MTUS2: variants seen among roughly 807,000 people sequenced by gnomAD.
MTUS2 encodes microtubule associated scaffold protein 2.
In MTUS2, 40 loss-of-function variants were observed where a neutral mutation model predicts 114.1. The observed-to-expected ratio is 0.35, with a 90% CI of 0.27 to 0.46. MTUS2 has a LOEUF of 0.46. MTUS2 is among the 20% of genes least tolerant of loss of function. MTUS2 has a pLI of 1.00. For synonymous variants in MTUS2, 688 were observed against 672.0 expected (o/e 1.02, Z -0.37); for missense variants, 1,679 against 1,705.4 (o/e 0.98, Z 0.27).
intron 8 of MTUS2, among the ~76,000 whole-genome samples, chr13:29,388,273 A>G (rs901581155): frequency 6.6e-6 from 1 of 152,158 alleles, no homozygotes; most frequent in Non-Finnish European, 1.5e-5. Flanking sequence ...CAGTGGGAAA[A>G]TAAAGATGGA....
intron 9 of MTUS2, among the ~76,000 whole-genome samples, chr13:29,460,650 C>T (rs1019926383): frequency 2.1e-4 from 32 of 152,290 alleles, no homozygotes; most frequent in African/African-American, 7.7e-4. Flanking sequence ...AGGGCTTCAT[C>T]TGTCGTGTTG....
intron 2 of MTUS2, among the ~76,000 whole-genome samples, chr13:28,843,750 T>G (rs1302684395): frequency 6.6e-6 from 1 of 152,186 alleles, no homozygotes; most frequent in Non-Finnish European, 1.5e-5. Flanking sequence ...ACCTGTGATC[T>G]GTTTGATATG....
intron 5 of MTUS2, among the ~76,000 whole-genome samples, chr13:29,192,816 T>C (rs1409840435): frequency 6.6e-6 from 1 of 152,220 alleles, no homozygotes; most frequent in Admixed American, 6.5e-5. Context: ...TGGTGTATTA[T>C]GTCTTCCAAG....
chr13:29,320,180 A>G (rs563017545), intron 6 of MTUS2, among the ~76,000 whole-genome samples: 7 of 152,316 alleles, frequency 4.6e-5, no homozygotes, highest in African/African-American at 1.7e-4. Context: ...GGAATTAGAA[A>G]GACATGATGC....
chr13:29,093,838 A>G (rs971602967), intron 4 of MTUS2, among the ~76,000 whole-genome samples: 6 of 152,166 alleles, frequency 3.9e-5, no homozygotes, highest in African/African-American at 1.4e-4. Context: ...TTTTAATCTT[A>G]GAGGGGAAGG....
intron 4 of MTUS2, among the ~76,000 whole-genome samples, chr13:29,096,669 G>A (rs1890190918): frequency 6.6e-6 from 1 of 152,190 alleles, no homozygotes; most frequent in Non-Finnish European, 1.5e-5. Flanking sequence ...CCTTTGTAGA[G>A]GACTCTGGAG....
chr13:28,840,953 G>C (rs1453084192), intron 2 of MTUS2, among the ~76,000 whole-genome samples: 2 of 152,206 alleles, frequency 1.3e-5, no homozygotes, highest in East Asian at 3.8e-4. Context: ...TTATGACTGA[G>C]TTTCTGCCAT....
intron 5 of MTUS2, among the ~76,000 whole-genome samples, chr13:29,236,151 TTA>T (rs1896527581): frequency 1.3e-5 from 2 of 152,190 alleles, no homozygotes; most frequent in Admixed American, 1.3e-4. Context: ...TTGTTATTTT[TTA>T]TCTTTAAATC....
chr13:29,490,123 A>T (rs1032537913), intron 11 of MTUS2: 10 of 152,216 alleles, frequency 6.6e-5, no homozygotes, highest in Non-Finnish European at 4.4e-5. Flanking sequence ...GCTGCTCTCG[A>T]TGACTGTAAC....
chr13:29,333,967 T>G (rs1329885044), intron 7 of MTUS2, among the ~76,000 whole-genome samples: 2 of 152,224 alleles, frequency 1.3e-5, no homozygotes, highest in Non-Finnish European at 1.5e-5. Context: ...TTTTTGATCT[T>G]TGTTGGTTTA....
At chr13:28,946,961 C>T (rs1047868793) in intron 2 of MTUS2, among the ~76,000 whole-genome samples, 4 of 152,122 alleles carry the variant, frequency 2.6e-5, no homozygotes, top group South Asian at 2.1e-4. Flanking sequence ...TTTCATATTT[C>T]GTATATGATG....
chr13:29,389,523 A>ATATATGTATACACGTGTG (rs1472737739), intron 8 of MTUS2, among the ~76,000 whole-genome samples: 357 of 29,594 alleles, frequency 0.012, 41 homozygotes, highest in African/African-American at 0.021. Context: ...GTGTATGTGT[A>ATATATGTATACACGTGTG]TATATGTATA....
intron 8 of MTUS2, among the ~76,000 whole-genome samples, chr13:29,385,388 C>G (rs1272362830): frequency 2.6e-5 from 4 of 152,190 alleles, no homozygotes; most frequent in Non-Finnish European, 4.4e-5. Flanking sequence ...CCCAAATGCC[C>G]AGGCACAGAG....
intron 5 of MTUS2, among the ~76,000 whole-genome samples, chr13:29,141,443 T>C (rs564267744): frequency 3.3e-5 from 5 of 152,164 alleles, no homozygotes; most frequent in South Asian, 2.1e-4. Flanking sequence ...AGAGATGCTG[T>C]TGGAGAGGTG....
At chr13:29,276,467 C>T (rs1409206423) in intron 5 of MTUS2, among the ~76,000 whole-genome samples, 4 of 152,224 alleles carry the variant, frequency 2.6e-5, no homozygotes, top group African/African-American at 4.8e-5. Context: ...GGCTATAGTC[C>T]TTTAGTTCCT....
chr13:28,821,046 A>C (rs1241633385), intron 1 of MTUS2, among the ~76,000 whole-genome samples: 1 of 152,078 alleles, frequency 6.6e-6, no homozygotes, highest in Admixed American at 6.5e-5. Context: ...AGAAGGAATT[A>C]CAGGCACACA....
At chr13:29,191,740 G>C (rs1436456170) in intron 5 of MTUS2, among the ~76,000 whole-genome samples, 4 of 152,074 alleles carry the variant, frequency 2.6e-5, no homozygotes, top group Admixed American at 6.5e-5. Context: ...TCAGCCCCAC[G>C]AAGAAAAATA....
chr13:29,010,272 C>T lies in MTUS2; in HGVS notation c.-242-14185C>T, dbSNP rs527990758. Among the ~76,000 whole-genome samples the T allele has an allele frequency of 1.3e-4, 20 of 151,844 alleles. No homozygotes were observed. In the South Asian group the frequency reaches 2.1e-3, roughly 16 times the overall value. Reference sequence around the variant, plus strand: ...ACACACATGCACACTTACAGTCACACGCAGAATGCTTCCTCTTTCCTAAAT... The same window carrying T: ...ACACACATGCACACTTACAGTCACATGCAGAATGCTTCCTCTTTCCTAAAT... On this transcript the variant is annotated intron_variant, in intron 2 of 15. Transcript: ENST00000612955.
At chr13:29,359,838 T>C (rs1870078259) in intron 8 of MTUS2, among the ~76,000 whole-genome samples, 1 of 152,156 alleles carries the variant, frequency 6.6e-6, no homozygotes, top group African/African-American at 2.4e-5. Context: ...TTTCCGACAT[T>C]ACTGCTCACA....
Sources: allele counts gnomAD v4.1 joint callset (sites outside exome capture counted in the v4.1 genomes callset), GRCh38; gene constraint gnomAD v4.1.1; transcripts MANE v1.5; gene names NCBI Gene and HGNC (gene_info 2026-07-23, HGNC 2026-07-21).